DCC: variants seen among roughly 807,000 people sequenced by gnomAD.
DCC encodes netrin receptor DCC.
Under a neutral mutation model 172.5 loss-of-function variants are expected in DCC, and 58 were observed. That is an observed-to-expected ratio of 0.34 (90% CI 0.27 to 0.42). The LOEUF (loss-of-function observed/expected upper bound fraction) is 0.42, where lower values mean the gene tolerates loss of function less well. Among genes scored for constraint, DCC ranks in the 10% least tolerant of loss-of-function variants. The pLI is 1.00. For missense variants in DCC, 1,740 were observed against 1,791.0 expected, an observed-to-expected ratio of 0.97 and a Z score of 0.51; for synonymous variants, 709 against 644.5, an observed-to-expected ratio of 1.10 and a Z score of -1.52.
At chr18:53,411,084 A>G (rs1160361068) in intron 20 of DCC, among the ~76,000 whole-genome samples, 1 of 151,808 alleles carries the variant, frequency 6.6e-6, no homozygotes, top group African/African-American at 2.4e-5. Context: ...AAAGTTCCAA[A>G]CCAAAAAAAA....
intron 1 of DCC, among the ~76,000 whole-genome samples, chr18:52,418,080 T>C (rs1462319676): frequency 6.6e-6 from 1 of 152,202 alleles, no homozygotes; most frequent in Non-Finnish European, 1.5e-5. Flanking sequence ...GTTCACTTGC[T>C]CCAGGTCCTG....
chr18:52,971,390 T>C (rs2041027717), intron 5 of DCC, among the ~76,000 whole-genome samples: 1 of 152,100 alleles, frequency 6.6e-6, no homozygotes, highest in Non-Finnish European at 1.5e-5. Context: ...ATGACTCTAG[T>C]TAGTAGAATT....
intron 1 of DCC, among the ~76,000 whole-genome samples, chr18:52,556,926 A>G (rs1017393405): frequency 6.6e-6 from 1 of 152,296 alleles, no homozygotes; most frequent in Non-Finnish European, 1.5e-5. Context: ...AACTGGCCCA[A>G]TGGCTATAAC....
rs78473547 is a variant in DCC at position 52,496,233 on chromosome 18, A to C, written c.91+155355A>C. Among the ~76,000 whole-genome samples the C allele has an allele frequency of 6.2e-3, 949 of 152,192 alleles. 8 individuals are homozygous for C. Among genetic ancestry groups the C allele is most frequent in the African/African-American group, 0.022 (894 of 41,532 alleles). On this transcript the variant is annotated intron_variant, in intron 1 of 28. Transcript: ENST00000442544. The stretch of plus-strand genomic sequence containing the variant: ...ACAAGGTAAATACAGGCCAAAGATA[A>C]TTTTTTAGCTTATAATATTCATATT...
At chr18:52,484,928 T>A (rs2030137859) in intron 1 of DCC, among the ~76,000 whole-genome samples, 1 of 152,138 alleles carries the variant, frequency 6.6e-6, no homozygotes, top group African/African-American at 2.4e-5. Flanking sequence ...CTGATTGATA[T>A]TTTTCTGGAG....
At chr18:53,352,606 G>A (rs554480909) in intron 15 of DCC, among the ~76,000 whole-genome samples, 1 of 152,114 alleles carries the variant, frequency 6.6e-6, no homozygotes, top group Non-Finnish European at 1.5e-5. Flanking sequence ...TTAAAACTAT[G>A]TGTGTTTTTA....
In DCC at chr18:52,653,740, C is replaced by T. The variant is rs573376789; in HGVS notation, c.92-98314C>T. On this transcript the variant is annotated intron_variant, in intron 1 of 28. Transcript: ENST00000442544. ...ACTTCTTTCCCCTCCGCCAGTTGTT[C>T]CAGGTCCTTCACCTCAACTCTTATT... Among the ~76,000 whole-genome samples the T allele has an allele frequency of 1.4e-4, 22 of 152,256 alleles. 1 individual carries two copies. The South Asian group carries it at 4.4e-3, about 30-fold the overall frequency.
At position 52,972,517 on chromosome 18, in the gene DCC, C is replaced by CT. The variant is rs34383367; in HGVS notation, c.985+47163dup. ...CGTAAGTGTACATGAAAATTTCTTG[C>CT]TTTTTTTTTTTTTTTTACTCTCGCT... On this transcript the variant is annotated intron_variant, in intron 5 of 28. Coordinates refer to ENST00000442544, the MANE Select transcript of DCC (RefSeq NM_005215.4). Among the ~76,000 whole-genome samples, 440 of 138,802 alleles carry CT rather than the reference C, an allele frequency of 3.2e-3. 2 individuals carry two copies. Among genetic ancestry groups the CT allele is most frequent in the East Asian group, 6.0e-3 (29 of 4,858 alleles). 91.1% of individuals were successfully genotyped at this position (138,802 alleles called of 152,430 possible).
At chr18:53,218,574 A>G (rs181006972) in intron 12 of DCC, among the ~76,000 whole-genome samples, 54 of 152,268 alleles carry the variant, frequency 3.5e-4, no homozygotes, top group African/African-American at 1.2e-3. Context: ...CTTTTCTACA[A>G]GCTAACTATG....
intron 5 of DCC, among the ~76,000 whole-genome samples, chr18:52,927,166 T>TATAC (rs770105006): frequency 1.4e-5 from 1 of 69,896 alleles, no homozygotes; most frequent in Non-Finnish European, 3.3e-5. Context: ...TACGTATATA[T>TATAC]GTGTATATAT....
chr18:53,198,234 A>C (rs1439048932), intron 9 of DCC, among the ~76,000 whole-genome samples: 1 of 152,166 alleles, frequency 6.6e-6, no homozygotes, highest in Non-Finnish European at 1.5e-5. Context: ...GTAGAAGCTC[A>C]GATACAATGA....
At chr18:52,664,011 G>T (rs988584216) in intron 1 of DCC, among the ~76,000 whole-genome samples, 31 of 152,108 alleles carry the variant, frequency 2.0e-4, no homozygotes, top group African/African-American at 7.2e-4. Flanking sequence ...AATAAGAGAA[G>T]AATTCATATG....
intron 28 of DCC, 151 bp downstream of exon 28, chr18:53,526,910 A>C: frequency 1.3e-6 from 1 of 757,140 alleles, no homozygotes; most frequent in Admixed American, 2.3e-5. Context: ...GTTTTCCTGC[A>C]CTTAAATATG....
intron 5 of DCC, among the ~76,000 whole-genome samples, chr18:53,052,243 G>T (rs957540492): frequency 6.6e-6 from 1 of 151,878 alleles, no homozygotes; most frequent in Non-Finnish European, 1.5e-5. Context: ...TCCAGTCTTT[G>T]ACCTCTAGCT....
At chr18:53,331,841 G>C (rs943972934) in intron 14 of DCC, among the ~76,000 whole-genome samples, 1 of 152,152 alleles carries the variant, frequency 6.6e-6, no homozygotes, top group African/African-American at 2.4e-5. Context: ...ATCAAGGAAG[G>C]GAAGAATCTT....
intron 5 of DCC, among the ~76,000 whole-genome samples, chr18:52,994,810 T>C (rs1411573572): frequency 6.6e-6 from 1 of 152,218 alleles, no homozygotes; most frequent in African/African-American, 2.4e-5. Flanking sequence ...TTAATGTTTT[T>C]GGACATTCAT....
intron 1 of DCC, among the ~76,000 whole-genome samples, chr18:52,746,057 A>C (rs935114370): frequency 5.3e-5 from 8 of 152,220 alleles, no homozygotes; most frequent in Non-Finnish European, 1.0e-4. Flanking sequence ...TCCAGGGCTA[A>C]AGACCAGAGT....
At chr18:52,593,788 C>T (rs892494563) in intron 1 of DCC, among the ~76,000 whole-genome samples, 20 of 152,318 alleles carry the variant, frequency 1.3e-4, no homozygotes, top group South Asian at 4.1e-4. Context: ...CCCATTTTGA[C>T]AGCTGAACAT....
rs567256915 is a variant in DCC at position 53,163,695 on chromosome 18, C to T, written c.1418+6183C>T. ...ATAAGTTAAAGAGCAGCATATATTC[C>T]AAAACATGAAAGCTAGAATTCACAG... On this transcript the variant is annotated intron_variant, in intron 8 of 28. Transcript: ENST00000442544. Among the ~76,000 whole-genome samples, 7 of 152,218 alleles carry T rather than the reference C, an allele frequency of 4.6e-5. No individual in the cohort carries two copies. The East Asian group carries it at 1.3e-3, about 29-fold the overall frequency.
Sources: allele counts gnomAD v4.1 joint callset (sites outside exome capture counted in the v4.1 genomes callset), GRCh38; gene constraint gnomAD v4.1.1; transcripts MANE v1.5; gene names NCBI Gene and HGNC (gene_info 2026-07-23, HGNC 2026-07-21).